Variants in DNAH14 observed in about 807,000 individuals in gnomAD.
The protein encoded by DNAH14 is dynein axonemal heavy chain 14, also known as axonemal beta dynein heavy chain 14.
Under a neutral mutation model 520.9 loss-of-function variants are expected in DNAH14, and 478 were observed. The ratio of observed to expected loss-of-function variants is 0.92; its 90% CI spans 0.85 to 0.99. The LOEUF (loss-of-function observed/expected upper bound fraction) is 0.99. DNAH14 is among the 50% of genes least tolerant of loss of function. The probability of loss-of-function intolerance (pLI) is 0.00; values close to 1 mark genes in which losing one functional copy is unlikely to be tolerated. For missense variants in DNAH14, 4,831 were observed against 5,234.5 expected (o/e 0.92, Z 2.38); for synonymous variants, 1,581 against 1,757.2 (o/e 0.90, Z 2.51).
At position 225,235,781 on chromosome 1, in the gene DNAH14, C is replaced by T. The variant is rs368490210; in HGVS notation, c.6518+4630C>T. The stretch of plus-strand genomic sequence containing the variant: ...TTCAGTCTTGGGAGGCTGTATGTGT[C>T]CAGGAATCTATCCATTTCTTCTAGA... On this transcript the variant is annotated intron_variant, in intron 42 of 85. Coordinates refer to ENST00000682510, the MANE Select transcript of DNAH14 (RefSeq NM_001367479.1). Among the ~76,000 whole-genome samples the T allele has an allele frequency of 7.2e-5, 11 of 152,142 alleles. No homozygotes were observed. In the East Asian group the frequency reaches 1.2e-3, roughly 16 times the overall value.
At chr1:225,070,426 A>G (rs890388652) in intron 17 of DNAH14, among the ~76,000 whole-genome samples, 1 of 152,218 alleles carries the variant, frequency 6.6e-6, no homozygotes, top group African/African-American at 2.4e-5. Context: ...CATTAATTTC[A>G]AAAAACTTCT....
rs571594708 is a variant in DNAH14, at chr1:225,044,002, T to C, written c.1912+19T>C. The stretch of plus-strand genomic sequence containing the variant: ...TGTATAAGTAAGTGTTTTTAAAGCT[T>C]AGTGAAATGCATTGTCTTCTTTGGC... On this transcript the variant is annotated intron_variant, in intron 15 of 85. Coordinates refer to ENST00000682510, the MANE Select transcript of DNAH14 (RefSeq NM_001367479.1). The C allele has an allele frequency of 2.9e-5, 40 of 1,362,658 alleles. No individual in the cohort carries two copies. The highest frequency in any genetic ancestry group is 3.9e-5 in the Non-Finnish European group (39 of 997,444). 84.4% of individuals were successfully genotyped at this position (1,362,658 alleles called of 1,614,324 possible).
At chr1:225,273,471 A>G (rs1248312596) in intron 52 of DNAH14, among the ~76,000 whole-genome samples, 2 of 152,220 alleles carry the variant, frequency 1.3e-5, no homozygotes, top group Non-Finnish European at 2.9e-5. Flanking sequence ...TTTTAAGTGG[A>G]TTATTGGGCA....
rs1385167831 is a variant in DNAH14, at chr1:225,398,627, G to C, written c.13599G>C (p.Met4533Ile). 2.6e-6 allele frequency: 4 copies of C among 1,551,614 alleles called. No homozygotes were observed. In the East Asian group the frequency reaches 9.8e-5, roughly 38 times the overall value. Residue 4533 changes from methionine to isoleucine, a missense_variant, in exon 85 of 86, where the codon ATG (methionine) becomes ATC (isoleucine). Physicochemically the swap from Met to Ile is conservative, Grantham distance 10 (BLOSUM62 1). Transcript: ENST00000682510. ...TGGAAGACTCGCTGCCTCTGGAGAT[G>C]TGCTGTGATTTTCCCGACATATACT... Reference protein sequence around the residue: ...KILEDSLPLEMCCDFPDIYFL... With the variant: ...KILEDSLPLEICCDFPDIYFL...
intron 71 of DNAH14, among the ~76,000 whole-genome samples, chr1:225,348,832 A>G (rs2095324240): frequency 2.0e-5 from 3 of 152,210 alleles, no homozygotes; most frequent in Admixed American, 1.3e-4. Context: ...AGTAACCTGT[A>G]CTATTGTAAT....
intron 1 of DNAH14, among the ~76,000 whole-genome samples, chr1:224,932,758 C>A (rs140109404): frequency 4.6e-5 from 7 of 152,088 alleles, no homozygotes; most frequent in African/African-American, 1.4e-4. Context: ...GGCTTTAATT[C>A]TTGGTTCTTT....
intron 36 of DNAH14, among the ~76,000 whole-genome samples, chr1:225,175,800 G>T (rs567023525): frequency 6.8e-6 from 1 of 147,470 alleles, no homozygotes; most frequent in African/African-American, 2.5e-5. Context: ...TAGTTAGTAA[G>T]TCTCACAGGA....
intron 36 of DNAH14, among the ~76,000 whole-genome samples, chr1:225,174,652 G>C (rs535937308): frequency 2.0e-5 from 3 of 152,094 alleles, no homozygotes; most frequent in Admixed American, 2.0e-4. Flanking sequence ...TTCTAATTTG[G>C]ATGTCTTTTA....
intron 1 of DNAH14, among the ~76,000 whole-genome samples, chr1:224,951,776 G>T (rs1165566077): frequency 1.4e-5 from 2 of 147,548 alleles, no homozygotes; most frequent in African/African-American, 2.5e-5. Context: ...TCCGCCTCCC[G>T]AGTAGCTGGG....
intron 60 of DNAH14, among the ~76,000 whole-genome samples, chr1:225,318,376 C>T (rs1015529915): frequency 1.3e-5 from 2 of 152,178 alleles, no homozygotes; most frequent in African/African-American, 2.4e-5. Context: ...ACCTTCTCAT[C>T]AAGGATTGAA....
chr1:225,097,049 G>C, intron 21 of DNAH14, 69 bp from the exon 22 acceptor site: 1 of 1,320,080 alleles, frequency 7.6e-7, no homozygotes, highest in Non-Finnish European at 1.0e-6. Context: ...ATCTGTTTCT[G>C]TTATGTAACT....
chr1:225,395,991 AT>A (rs2150904524), intron 84 of DNAH14: 1 of 152,352 alleles, frequency 6.6e-6, no homozygotes, highest in East Asian at 1.9e-4. Context: ...AGAAAAAGAA[AT>A]ATTGAAAAGG....
rs116596269 is a variant in DNAH14 at position 224,978,180 on chromosome 1, A to C, written c.830+4027A>C. On this transcript the variant is annotated intron_variant, in intron 8 of 85. Coordinates refer to ENST00000682510, the MANE Select transcript of DNAH14 (RefSeq NM_001367479.1). Reference sequence around the variant, plus strand: ...TACTGGGTATTTATGTGAAGAAAGGAAATCCATATATTGAAGAGACACCTG... The same window carrying C: ...TACTGGGTATTTATGTGAAGAAAGGCAATCCATATATTGAAGAGACACCTG... Among the ~76,000 whole-genome samples, 765 of 152,360 alleles carry C rather than the reference A, an allele frequency of 5.0e-3. 6 individuals carry two copies. Among genetic ancestry groups the C allele is most frequent in the African/African-American group, 0.017 (722 of 41,574 alleles).
chr1:225,138,692 G>A (rs1260502437), intron 27 of DNAH14, among the ~76,000 whole-genome samples: 4 of 152,120 alleles, frequency 2.6e-5, no homozygotes, highest in Admixed American at 2.0e-4. Flanking sequence ...GAAAAGCATG[G>A]TTTCCCGGGT....
chr1:225,381,469 A>G lies in DNAH14; in HGVS notation c.12967A>G (p.Lys4323Glu), dbSNP rs768926600. 6.5e-7 allele frequency: 1 copy of G among 1,550,214 alleles called. No homozygotes were observed. The highest frequency in any genetic ancestry group is 1.2e-5 in the South Asian group (1 of 83,556). The change falls in exon 81 of 86, where the codon AAA becomes GAA. Residue 4323 changes from lysine to glutamate, a missense_variant. Lys to Glu is a moderately conservative substitution (Grantham distance 56). Coordinates refer to ENST00000682510, the MANE Select transcript of DNAH14 (RefSeq NM_001367479.1). ...RFDKLLFVIHKSLKDLQLAIK... is the reference protein window; with the variant it reads ...RFDKLLFVIHESLKDLQLAIK... ...TGATAAGTTATTATTTGTCATACATAAATCCTTAAAAGATCTTCAGCTTGC... is the reference window on the plus strand; with the variant it reads ...TGATAAGTTATTATTTGTCATACATGAATCCTTAAAAGATCTTCAGCTTGC...
Position 225,101,707 on chromosome 1 carries a change from C to T in DNAH14, c.3867+823C>T, listed in dbSNP as rs114438057. Among the ~76,000 whole-genome samples, 766 of 152,102 alleles carry T rather than the reference C, an allele frequency of 5.0e-3. 6 individuals are homozygous for T. Among genetic ancestry groups the T allele is most frequent in the African/African-American group, 0.017 (719 of 41,510 alleles). On this transcript the variant is annotated intron_variant, in intron 23 of 85. Coordinates refer to ENST00000682510, the MANE Select transcript of DNAH14 (RefSeq NM_001367479.1). ...ACAAGATCTCATTCTCTTTTATGGC[C>T]GAATAGTACTCCATTTTGTATATAT...
chr1:224,999,737 C>T (rs955849773), intron 8 of DNAH14, among the ~76,000 whole-genome samples: 2 of 151,678 alleles, frequency 1.3e-5, no homozygotes, highest in Non-Finnish European at 2.9e-5. Context: ...CTTTGTGTAG[C>T]TTTTTTAGTG....
At chr1:224,998,045 C>T (rs191964779) in intron 8 of DNAH14, among the ~76,000 whole-genome samples, 23 of 152,190 alleles carry the variant, frequency 1.5e-4, no homozygotes, top group Admixed American at 1.1e-3. Flanking sequence ...GGAATTGGTA[C>T]GTTTCATCTA....
intron 55 of DNAH14, among the ~76,000 whole-genome samples, chr1:225,291,630 T>C (rs1400278173): frequency 6.6e-6 from 1 of 152,096 alleles, no homozygotes; most frequent in Non-Finnish European, 1.5e-5. Flanking sequence ...GACTCATATG[T>C]AGTTTTTTGA....
Sources: gnomAD v4.1 joint callset for allele counts (sites outside exome capture counted in the v4.1 genomes callset) on GRCh38, gnomAD v4.1.1 for gene constraint, MANE v1.5 for transcripts, NCBI Gene and HGNC (gene_info 2026-07-23, HGNC 2026-07-21) for gene names.